The following LRRC72 variants were observed in gnomAD, a reference collection of about 807,000 sequenced individuals.
The protein encoded by LRRC72 is leucine rich repeat containing 72.
LRRC72 carries 41 observed loss-of-function variants against 35.8 expected under a neutral mutation model. The ratio of observed to expected loss-of-function variants is 1.15; its 90% CI spans 0.89 to 1.49. The LOEUF is 1.49. LRRC72 is among the 40% of genes most tolerant of loss of function. The pLI is 0.00. For synonymous variants in LRRC72, 118 were observed against 119.2 expected (o/e 0.99, Z 0.07); for missense variants, 389 against 330.7 (o/e 1.18, Z -1.37).
intron 3 of LRRC72, among the ~76,000 whole-genome samples, chr7:16,548,960 A>G (rs1320122021): frequency 6.6e-6 from 1 of 152,244 alleles, no homozygotes; most frequent in African/African-American, 2.4e-5. Context: ...ATAAGAGCAG[A>G]GAATTTTGTC....
At chr7:16,555,526 A>G (rs1292763020) in intron 3 of LRRC72, among the ~76,000 whole-genome samples, 1 of 152,188 alleles carries the variant, frequency 6.6e-6, no homozygotes, top group African/African-American at 2.4e-5. Context: ...TAATCCCAGC[A>G]ATTCGGGAGG....
At chr7:16,532,618 A>C in intron 2 of LRRC72, 50 bp downstream of exon 2, 1 of 1,281,956 alleles carries the variant, frequency 7.8e-7, no homozygotes, top group Non-Finnish European at 1.1e-6. Flanking sequence ...TATCATGATC[A>C]TGTTAAAATG....
At chr7:16,561,838 T>G (rs539530950) in intron 5 of LRRC72, among the ~76,000 whole-genome samples, 2 of 152,378 alleles carry the variant, frequency 1.3e-5, no homozygotes, top group East Asian at 3.9e-4. Flanking sequence ...TAAGTTTCTA[T>G]GAGCCTCATT....
intron 5 of LRRC72, among the ~76,000 whole-genome samples, chr7:16,559,747 T>G (rs2128337458): frequency 6.6e-6 from 1 of 152,080 alleles, no homozygotes; most frequent in Non-Finnish European, 1.5e-5. Flanking sequence ...GGGGTTATTT[T>G]GGGGGTGATA....
intron 1 of LRRC72, among the ~76,000 whole-genome samples, chr7:16,527,965 C>G (rs1164716750): frequency 6.6e-6 from 1 of 152,116 alleles, no homozygotes; most frequent in East Asian, 1.9e-4. Flanking sequence ...CATGCTAGAA[C>G]TGTTCACATC....
chr7:16,572,952 A>C (rs1047136654), intron 7 of LRRC72, among the ~76,000 whole-genome samples: 2 of 152,214 alleles, frequency 1.3e-5, no homozygotes, highest in African/African-American at 4.8e-5. Flanking sequence ...AACTTCAGCA[A>C]AGTCTCAGGA....
At chr7:16,539,853 A>T (rs1469234780) in intron 3 of LRRC72, among the ~76,000 whole-genome samples, 1 of 152,206 alleles carries the variant, frequency 6.6e-6, no homozygotes, top group Non-Finnish European at 1.5e-5. Flanking sequence ...GGAAACCTCC[A>T]CCTAGATTTC....
chr7:16,540,439 G>A (rs1237842008), intron 3 of LRRC72, among the ~76,000 whole-genome samples: 2 of 152,164 alleles, frequency 1.3e-5, no homozygotes, highest in Non-Finnish European at 2.9e-5. Context: ...TGTCTCAAAT[G>A]AGACTTTGGA....
At chr7:16,561,250 G>A (rs1197568862) in intron 5 of LRRC72, among the ~76,000 whole-genome samples, 2 of 152,130 alleles carry the variant, frequency 1.3e-5, no homozygotes, top group African/African-American at 2.4e-5. Context: ...TCTTAGAGTC[G>A]AAGGGGTCTA....
chr7:16,558,190 T>C (rs1489709433), intron 4 of LRRC72, among the ~76,000 whole-genome samples: 1 of 152,166 alleles, frequency 6.6e-6, no homozygotes, highest in Non-Finnish European at 1.5e-5. Context: ...ATTTTTCCCT[T>C]GACTAGCATT....
intron 3 of LRRC72, among the ~76,000 whole-genome samples, chr7:16,540,314 C>T (rs1302095921): frequency 2.0e-5 from 3 of 152,184 alleles, no homozygotes; most frequent in African/African-American, 4.8e-5. Flanking sequence ...TTGTTTTGGC[C>T]AATTTCTCTC....
chr7:16,547,166 C>G (rs1306482756), intron 3 of LRRC72, among the ~76,000 whole-genome samples: 1 of 152,156 alleles, frequency 6.6e-6, no homozygotes, highest in African/African-American at 2.4e-5. Flanking sequence ...GCTGAAGACA[C>G]AGCCAGGAAA....
intron 3 of LRRC72, among the ~76,000 whole-genome samples, chr7:16,548,655 C>T (rs1782493665): frequency 6.6e-6 from 1 of 152,238 alleles, no homozygotes; most frequent in Non-Finnish European, 1.5e-5. Flanking sequence ...CTTGCTCACA[C>T]ACCCCTCAGT....
At chr7:16,565,807 A>G (rs558823464) in intron 5 of LRRC72, among the ~76,000 whole-genome samples, 9 of 152,312 alleles carry the variant, frequency 5.9e-5, no homozygotes, top group African/African-American at 2.2e-4. Context: ...TGAAGCTACT[A>G]TTGACACATT....
intron 1 of LRRC72, among the ~76,000 whole-genome samples, chr7:16,528,010 T>A (rs1406643475): frequency 6.6e-6 from 1 of 152,154 alleles, no homozygotes; most frequent in Non-Finnish European, 1.5e-5. Flanking sequence ...ATTCTCCTTT[T>A]AGGTTAACCA....
At chr7:16,565,366 G>A (rs1782811014) in intron 5 of LRRC72, among the ~76,000 whole-genome samples, 1 of 151,254 alleles carries the variant, frequency 6.6e-6, no homozygotes, top group Admixed American at 6.6e-5. Context: ...CCGGGAGGCA[G>A]AGGTTGCAGT....
intron 7 of LRRC72, among the ~76,000 whole-genome samples, chr7:16,568,213 C>G (rs1007488718): frequency 6.6e-6 from 1 of 152,144 alleles, no homozygotes; most frequent in Admixed American, 6.6e-5. Context: ...TTCTGCTACT[C>G]TTAGTGTGCT....
At chr7:16,573,928 A>G (rs190627497) in intron 7 of LRRC72, among the ~76,000 whole-genome samples, 7 of 152,358 alleles carry the variant, frequency 4.6e-5, no homozygotes, top group African/African-American at 1.7e-4. Flanking sequence ...AATATCCGGA[A>G]TCTACAAGGA....
chr7:16,567,281 T>C (rs1329527083), intron 6 of LRRC72, 110 bp from the exon 7 acceptor site: 16 of 815,434 alleles, frequency 2.0e-5, no homozygotes, highest in Non-Finnish European at 2.9e-5. Context: ...CAGGATGTTC[T>C]CATATATCAT....
Sources: gnomAD v4.1 joint callset for allele counts (sites outside exome capture counted in the v4.1 genomes callset) on GRCh38, gnomAD v4.1.1 for gene constraint, MANE v1.5 for transcripts, NCBI Gene and HGNC (gene_info 2026-07-23, HGNC 2026-07-21) for gene names.